The following F13A1 variants were observed in gnomAD, a reference collection of about 807,000 sequenced individuals.
The protein encoded by F13A1 is coagulation factor XIII A chain.
A neutral mutation model predicts 80.1 loss-of-function variants in F13A1; 47 were observed. The ratio of observed to expected loss-of-function variants is 0.59; its 90% CI spans 0.46 to 0.75. F13A1 has a LOEUF of 0.75. F13A1 is among the 30% of genes least tolerant of loss of function. The pLI, the probability that F13A1 is intolerant of heterozygous loss-of-function variation, is 0.00. For missense variants in F13A1, 817 were observed against 930.4 expected, an observed-to-expected ratio of 0.88 and a Z score of 1.59; for synonymous variants, 349 against 344.9, an observed-to-expected ratio of 1.01 and a Z score of -0.13.
Position 6,250,698 on chromosome 6 carries a change from A to C in F13A1, c.690+113T>G. 1.3e-6 allele frequency: 1 copy of C among 769,890 alleles called. No individual in the cohort carries two copies. Among genetic ancestry groups the C allele is most frequent in the South Asian group, 1.4e-5 (1 of 70,024 alleles). 47.7% of individuals were successfully genotyped at this position (769,890 alleles called of 1,614,324 possible). On this transcript the variant is annotated intron_variant, in intron 5 of 14. Coordinates refer to ENST00000264870, the MANE Select transcript of F13A1 (RefSeq NM_000129.4). This position sits in a 1 kb window ranked among gnomAD's most constrained non-coding sequence, Gnocchi z 4.2. ...CTGCCTTGGAGTCTCAGATCCTAAA[A>C]AGCAGGAAATTGTGCTTGTCTAATA...
At chr6:6,210,070 A>T (rs888210528) in intron 8 of F13A1, among the ~76,000 whole-genome samples, 6 of 151,498 alleles carry the variant, frequency 4.0e-5, no homozygotes, top group African/African-American at 7.3e-5. Flanking sequence ...TACAAAAAAA[A>T]AAAATTAAAA....
At chr6:6,306,028 T>C (rs1308078005) in intron 2 of F13A1, among the ~76,000 whole-genome samples, 1 of 152,216 alleles carries the variant, frequency 6.6e-6, no homozygotes, top group African/African-American at 2.4e-5. Flanking sequence ...AAGGACAAAG[T>C]TAGCCATTAA....
intron 6 of F13A1, among the ~76,000 whole-genome samples, chr6:6,232,749 G>A (rs1757369517): frequency 6.6e-6 from 1 of 152,016 alleles, no homozygotes. Flanking sequence ...ATTATATCAA[G>A]CCATCTCTCA....
chr6:6,294,406 T>C (rs1309262528), intron 3 of F13A1, among the ~76,000 whole-genome samples: 1 of 152,196 alleles, frequency 6.6e-6, no homozygotes, highest in Admixed American at 6.5e-5. Flanking sequence ...TCTTCAGTTT[T>C]GGGACTTGGA....
intron 6 of F13A1, among the ~76,000 whole-genome samples, chr6:6,228,852 A>T (rs898584592): frequency 2.4e-4 from 37 of 152,132 alleles, no homozygotes; most frequent in African/African-American, 8.9e-4. Flanking sequence ...GAGATTCTGG[A>T]ACACAATTGG....
intron 13 of F13A1, among the ~76,000 whole-genome samples, chr6:6,154,262 G>A (rs922593583): frequency 6.6e-6 from 1 of 152,014 alleles, no homozygotes; most frequent in African/African-American, 2.4e-5. Flanking sequence ...TAATGGGGAG[G>A]AGACTGGTTC....
chr6:6,206,739 A>G (rs540447528), intron 8 of F13A1: 33 of 364,178 alleles, frequency 9.1e-5, no homozygotes, highest in African/African-American at 4.9e-4. Flanking sequence ...CTTTCTACAT[A>G]CATAATTTTC....
At chr6:6,219,762 T>G (rs1040831519) in intron 8 of F13A1, among the ~76,000 whole-genome samples, 14 of 152,186 alleles carry the variant, frequency 9.2e-5, no homozygotes, top group African/African-American at 3.1e-4. Flanking sequence ...TGTCTGCTTT[T>G]TCTTTAAAAA....
intron 12 of F13A1, among the ~76,000 whole-genome samples, chr6:6,174,347 C>A (rs1760835950): frequency 6.6e-6 from 1 of 151,824 alleles, no homozygotes; most frequent in Non-Finnish European, 1.5e-5. Context: ...CCAAGATCAT[C>A]GCATTGCACT....
At chr6:6,149,425 G>A (rs1297161321) in intron 14 of F13A1, among the ~76,000 whole-genome samples, 1 of 152,214 alleles carries the variant, frequency 6.6e-6, no homozygotes, top group Admixed American at 6.5e-5. Flanking sequence ...ACATTCATTT[G>A]TTGAAACCCA....
intron 8 of F13A1, among the ~76,000 whole-genome samples, chr6:6,211,569 C>G (rs765475348): frequency 6.6e-5 from 10 of 152,204 alleles, no homozygotes; most frequent in South Asian, 4.1e-4. Context: ...GCTTTGCAGA[C>G]AGTGATTAAA....
chr6:6,206,007 C>T (rs1761481480), intron 8 of F13A1, among the ~76,000 whole-genome samples: 2 of 152,032 alleles, frequency 1.3e-5, no homozygotes, highest in Admixed American at 1.3e-4. Context: ...AATATCCTGA[C>T]TGAACATGAA....
chr6:6,239,372 CTA>C (rs1561664816), intron 6 of F13A1, among the ~76,000 whole-genome samples: 1 of 151,842 alleles, frequency 6.6e-6, no homozygotes, highest in Non-Finnish European at 1.5e-5. Context: ...GTGGAAATGT[CTA>C]TATTTTGATT....
At chr6:6,260,237 G>A (rs932417040) in intron 4 of F13A1, among the ~76,000 whole-genome samples, 39 of 152,172 alleles carry the variant, frequency 2.6e-4, no homozygotes, top group African/African-American at 8.7e-4. Context: ...ATGATTTAGT[G>A]ATTAAGGAGG....
chr6:6,316,020 G>A (rs1037604368), intron 2 of F13A1, among the ~76,000 whole-genome samples: 5 of 134,266 alleles, frequency 3.7e-5, no homozygotes, highest in Non-Finnish European at 7.9e-5. Flanking sequence ...AAATGCAAAA[G>A]GTAACCAGGA....
intron 11 of F13A1, among the ~76,000 whole-genome samples, chr6:6,179,426 T>C (rs1175281490): frequency 6.6e-6 from 1 of 152,140 alleles, no homozygotes; most frequent in African/African-American, 2.4e-5. Context: ...TCTACTCATT[T>C]CCATATTTTG....
chr6:6,287,680 G>A (rs1239626599), intron 3 of F13A1, among the ~76,000 whole-genome samples: 1 of 152,190 alleles, frequency 6.6e-6, no homozygotes, highest in African/African-American at 2.4e-5. Flanking sequence ...GACATGATGT[G>A]GGTGACAGGG....
At chr6:6,286,987 G>T (rs1282205151) in intron 3 of F13A1, among the ~76,000 whole-genome samples, 1 of 152,176 alleles carries the variant, frequency 6.6e-6, no homozygotes, top group Non-Finnish European at 1.5e-5. Flanking sequence ...AATAAGGCTG[G>T]TAATTGGGTC....
chr6:6,278,577 T>C (rs1758019893), intron 3 of F13A1, among the ~76,000 whole-genome samples: 1 of 150,366 alleles, frequency 6.7e-6, no homozygotes, highest in Non-Finnish European at 1.5e-5. Flanking sequence ...TTGTGGGAGA[T>C]TAGGTGCCTG....
Sources: gnomAD v4.1 joint callset for allele counts (sites outside exome capture counted in the v4.1 genomes callset) on GRCh38, gnomAD v4.1.1 for gene constraint, Gnocchi (gnomAD v3.1) non-coding constraint, MANE v1.5 for transcripts, NCBI Gene and HGNC (gene_info 2026-07-23, HGNC 2026-07-21) for gene names.